WWOX: variants seen among roughly 807,000 people sequenced by gnomAD.
The protein encoded by WWOX is WW domain containing oxidoreductase.
WWOX carries 69 observed loss-of-function variants against 46.2 expected under a neutral mutation model. That is an observed-to-expected ratio of 1.49 (90% CI 1.23 to 1.82). The LOEUF (loss-of-function observed/expected upper bound fraction) is 1.82. Ranked by LOEUF, WWOX falls within the 40% of genes most tolerant of loss-of-function variation. The probability of loss-of-function intolerance (pLI) is 0.00; values close to 1 mark genes in which losing one functional copy is unlikely to be tolerated. For missense variants in WWOX, 919 were observed against 542.6 expected, an observed-to-expected ratio of 1.69 and a Z score of -6.89; for synonymous variants, 359 against 202.6, an observed-to-expected ratio of 1.77 and a Z score of -6.56.
chr16:78,698,538 G>A (rs1437955617), intron 8 of WWOX, among the ~76,000 whole-genome samples: 1 of 152,010 alleles, frequency 6.6e-6, no homozygotes, highest in South Asian at 2.1e-4. Flanking sequence ...CTAGAATAAT[G>A]TTTCATCTCA....
At chr16:79,095,307 G>A (rs1221784539) in intron 8 of WWOX, among the ~76,000 whole-genome samples, 1 of 152,176 alleles carries the variant, frequency 6.6e-6, no homozygotes, top group Non-Finnish European at 1.5e-5. Flanking sequence ...GTTCCTTCAA[G>A]GAGCTCAAAC....
At chr16:78,597,555 A>G (rs1053851923) in intron 8 of WWOX, among the ~76,000 whole-genome samples, 2 of 152,192 alleles carry the variant, frequency 1.3e-5, no homozygotes, top group Admixed American at 1.3e-4. Context: ...CTGTTTTAAG[A>G]AAAGCTGAAA....
At chr16:78,730,201 G>T (rs1329792848) in intron 8 of WWOX, among the ~76,000 whole-genome samples, 1 of 151,998 alleles carries the variant, frequency 6.6e-6, no homozygotes, top group African/African-American at 2.4e-5. Context: ...GGTTACATAT[G>T]GTCAAGTTGC....
intron 8 of WWOX, among the ~76,000 whole-genome samples, chr16:79,052,552 A>C (rs937547924): frequency 1.3e-5 from 2 of 152,204 alleles, no homozygotes; most frequent in Non-Finnish European, 2.9e-5. Flanking sequence ...ACAGTGGTAG[A>C]CTGGATTAAG....
At chr16:78,415,312 A>T (rs866765911) in intron 6 of WWOX, among the ~76,000 whole-genome samples, 1 of 152,096 alleles carries the variant, frequency 6.6e-6, no homozygotes, top group Admixed American at 6.5e-5. Flanking sequence ...ATATTAGGGT[A>T]TAATGAGTAG....
intron 8 of WWOX, among the ~76,000 whole-genome samples, chr16:78,575,624 T>A (rs2044859214): frequency 6.6e-6 from 1 of 152,182 alleles, no homozygotes; most frequent in African/African-American, 2.4e-5. Context: ...AATAAGCACC[T>A]ACTGTGTGCC....
chr16:79,101,091 A>C (rs2049183485), intron 8 of WWOX: 1 of 152,482 alleles, frequency 6.6e-6, no homozygotes, highest in Non-Finnish European at 1.5e-5. Flanking sequence ...TCCTTCCAAA[A>C]CGGCCACTCA....
chr16:78,921,154 A>G (rs1336299593), intron 8 of WWOX, among the ~76,000 whole-genome samples: 1 of 152,190 alleles, frequency 6.6e-6, no homozygotes, highest in Non-Finnish European at 1.5e-5. Context: ...AAAAAAACAT[A>G]AGGGAACTTT....
chr16:78,632,086 C>G (rs923391074), intron 8 of WWOX, among the ~76,000 whole-genome samples: 1 of 152,068 alleles, frequency 6.6e-6, no homozygotes. Context: ...GGAGACCAAA[C>G]TAGCAAATTC....
chr16:79,047,649 G>GACT (rs2048090339), intron 8 of WWOX, among the ~76,000 whole-genome samples: 1 of 141,202 alleles, frequency 7.1e-6, no homozygotes, highest in Admixed American at 7.1e-5. Flanking sequence ...AGAACTGGGT[G>GACT]ACTTTCTCCT....
At chr16:78,996,176 C>G (rs1597252394) in intron 8 of WWOX, 26 of 976,722 alleles carry the variant, frequency 2.7e-5, no homozygotes, top group African/African-American at 3.5e-5. Context: ...AAACTCACAT[C>G]TTCTTTAAAT....
intron 5 of WWOX, among the ~76,000 whole-genome samples, chr16:78,385,056 C>T (rs1427787091): frequency 6.6e-6 from 1 of 151,790 alleles, no homozygotes; most frequent in Non-Finnish European, 1.5e-5. Context: ...ATCGCTTGAG[C>T]CCAGGAAGTG....
At chr16:79,085,073 G>A (rs2048829703) in intron 8 of WWOX, among the ~76,000 whole-genome samples, 1 of 152,136 alleles carries the variant, frequency 6.6e-6, no homozygotes, top group South Asian at 2.1e-4. Flanking sequence ...TTACAGGCAT[G>A]AGTCGCCACA....
chr16:78,575,807 C>T (rs984108039), intron 8 of WWOX, among the ~76,000 whole-genome samples: 1 of 152,074 alleles, frequency 6.6e-6, no homozygotes, highest in Non-Finnish European at 1.5e-5. Flanking sequence ...TAATGCCTGT[C>T]TATACTTTCA....
At chr16:78,995,845 G>A (rs1168767407) in intron 8 of WWOX, among the ~76,000 whole-genome samples, 3 of 152,188 alleles carry the variant, frequency 2.0e-5, no homozygotes, top group African/African-American at 4.8e-5. Flanking sequence ...TGAAGGAAGT[G>A]TAAAATGTTG....
chr16:78,294,031 CA>C (rs1306740990), intron 5 of WWOX, among the ~76,000 whole-genome samples: 2 of 136,866 alleles, frequency 1.5e-5, no homozygotes, highest in Non-Finnish European at 3.1e-5. Flanking sequence ...AAAGGTGATT[CA>C]CAGGCCTCTT....
At chr16:78,935,499 A>T (rs543185872) in intron 8 of WWOX, among the ~76,000 whole-genome samples, 2 of 152,110 alleles carry the variant, frequency 1.3e-5, no homozygotes, top group East Asian at 3.9e-4. Flanking sequence ...GCAAACTATC[A>T]CAAGGACAAA....
At chr16:78,658,871 C>T (rs1322708902) in intron 8 of WWOX, among the ~76,000 whole-genome samples, 1 of 150,842 alleles carries the variant, frequency 6.6e-6, no homozygotes, top group Non-Finnish European at 1.5e-5. Flanking sequence ...GCAGGCGGAT[C>T]ACTTGAGGTC....
intron 8 of WWOX, among the ~76,000 whole-genome samples, chr16:78,629,590 C>G (rs374451308): frequency 6.6e-6 from 1 of 152,206 alleles, no homozygotes; most frequent in African/African-American, 2.4e-5. Flanking sequence ...CCCTGCCAAC[C>G]TCTGCAGCTT....
Sources: gnomAD v4.1 joint callset for allele counts (sites outside exome capture counted in the v4.1 genomes callset) on GRCh38, gnomAD v4.1.1 for gene constraint, MANE v1.5 for transcripts, NCBI Gene and HGNC (gene_info 2026-07-23, HGNC 2026-07-21) for gene names.